DDX19B: variants seen among roughly 807,000 people sequenced by gnomAD.
DDX19B encodes the protein ATP-dependent RNA helicase DDX19B.
In DDX19B, 27 loss-of-function variants were observed where a neutral mutation model predicts 58.1. That is an observed-to-expected ratio of 0.46 (90% confidence interval 0.34 to 0.64). DDX19B has a LOEUF of 0.64. Among genes scored for constraint, DDX19B ranks in the 30% least tolerant of loss-of-function variants. DDX19B has a pLI of 0.01. For missense variants in DDX19B, 399 were observed against 596.5 expected, an observed-to-expected ratio of 0.67 and a Z score of 3.45; for synonymous variants, 187 against 214.4, an observed-to-expected ratio of 0.87 and a Z score of 1.12.
At position 70,312,631 on chromosome 16, in the gene DDX19B, A is replaced by G; in HGVS notation, c.80A>G (p.Glu27Gly). 3.7e-6 allele frequency: 6 copies of G among 1,613,256 alleles called. No homozygotes were observed. The highest frequency in any genetic ancestry group is 5.1e-6 in the Non-Finnish European group (6 of 1,179,494). Reference protein sequence around the residue: ...AESLSNLHLKEEKIKPDTNGA... With the variant: ...AESLSNLHLKGEKIKPDTNGA... The stretch of plus-strand genomic sequence containing the variant: ...TAGTTGAGCAACTTGCATCTTAAGG[A>G]AGAGAAAATCAAACCAGATACCAAT... Residue 27 changes from glutamate to glycine, a missense_variant, in exon 2 of 12, where the codon GAA becomes GGA. By Grantham distance (98) the Glu-to-Gly change is moderately conservative. Coordinates refer to ENST00000288071, the MANE Select transcript of DDX19B (RefSeq NM_007242.7).
intron 1 of DDX19B, among the ~76,000 whole-genome samples, chr16:70,299,579 T>G (rs1287982625): frequency 6.6e-6 from 1 of 152,150 alleles, no homozygotes; most frequent in Non-Finnish European, 1.5e-5. Context: ...CTGTCTGTCT[T>G]CCTGGAACCA....
At chr16:70,309,082 G>T (rs1014768701) in intron 1 of DDX19B, among the ~76,000 whole-genome samples, 1 of 150,370 alleles carries the variant, frequency 6.7e-6, no homozygotes, top group African/African-American at 2.5e-5. Context: ...TTCTCCAGTT[G>T]AATGGTTTCC....
At position 70,333,898 on chromosome 16, in the gene DDX19B, G is replaced by A. The variant is rs1963610144; in HGVS notation, c.*316G>A. 3 of 433,100 alleles carry A rather than the reference G, an allele frequency of 6.9e-6. No individual in the cohort carries two copies. The highest frequency in any genetic ancestry group is 3.7e-5 in the Admixed American group (1 of 26,880). 26.8% of individuals were successfully genotyped at this position (433,100 alleles called of 1,614,324 possible). A position where few individuals can be genotyped will look rare whatever the true frequency, so the allele number is the denominator to read the frequency against. On this transcript the variant is annotated 3_prime_UTR_variant, in exon 12 of 12. Transcript: ENST00000288071. ...GATGCTGTGGCTGATTACTTGCCCA[G>A]GATCTCCTGTGGCAGCCTCTGCTTG...
rs1962384557 is a variant in DDX19B, at chr16:70,316,069, T to A, written c.261T>A (p.Pro87=). ...VEVLQRDPNS[P]LYSVKSFEEL... is the part of the protein sequence containing the mutation. ...TCCTGCAGCGGGATCCAAACTCCCC[T>A]CTGTACTCGGTGAAGTCTTTTGAAG... Residue 87 remains proline (P), a synonymous_variant, in exon 4 of 12, where the codon CCT becomes CCA. Coordinates refer to ENST00000288071, the MANE Select transcript of DDX19B (RefSeq NM_007242.7). The A allele has an allele frequency of 6.2e-7, 1 of 1,614,144 alleles. No individual in the cohort carries two copies. Among genetic ancestry groups the A allele is most frequent in the South Asian group, 1.1e-5 (1 of 91,084 alleles).
chr16:70,317,607 C>T lies in DDX19B; in HGVS notation c.389+19C>T, dbSNP rs767872103. Reference sequence around the variant, plus strand: ...CTGAGCCGTATGTGTCCTATTACAACTCCATTTCATTTTAGATTTTCTATT... The same window carrying T: ...CTGAGCCGTATGTGTCCTATTACAATTCCATTTCATTTTAGATTTTCTATT... On this transcript the variant is annotated intron_variant, in intron 5 of 11. Coordinates refer to ENST00000288071, the MANE Select transcript of DDX19B (RefSeq NM_007242.7). The T allele has an allele frequency of 6.3e-6, 10 of 1,586,350 alleles. No individual in the cohort carries two copies. The South Asian group carries it at 9.1e-5, about 14-fold the overall frequency.
Position 70,329,592 on chromosome 16 carries a change from T to G in DDX19B, c.785+123T>G. Reference sequence around the variant, plus strand: ...GCTCTCGTACTCTCAGCAGCATTTGTTTGACGGGCCACTTCCGTGTCAGCG... The same window carrying G: ...GCTCTCGTACTCTCAGCAGCATTTGGTTGACGGGCCACTTCCGTGTCAGCG... On this transcript the variant is annotated intron_variant, in intron 8 of 11. Coordinates refer to ENST00000288071, the MANE Select transcript of DDX19B (RefSeq NM_007242.7). 3 of 1,444,312 alleles carry G rather than the reference T, an allele frequency of 2.1e-6. No individual in the cohort carries two copies. The Admixed American group carries it at 6.0e-5, about 29-fold the overall frequency. 89.5% of individuals were successfully genotyped at this position (1,444,312 alleles called of 1,614,324 possible).
chr16:70,299,294 G>C lies in DDX19B; in HGVS notation c.-4G>C, dbSNP rs376919952. On this transcript the variant is annotated 5_prime_UTR_variant, in exon 1 of 12. Transcript: ENST00000288071. ...GCACGAGCGTCCCACCCGCGCCTGG[G>C]ACCATGGCCACTGACTCATGGGCCC... 16 of 1,593,314 alleles carry C rather than the reference G, an allele frequency of 1.0e-5. No homozygotes were observed. The highest frequency in any genetic ancestry group is 1.3e-5 in the Non-Finnish European group (15 of 1,172,030).
intron 5 of DDX19B, among the ~76,000 whole-genome samples, chr16:70,320,979 T>G (rs1962762550): frequency 6.9e-6 from 1 of 145,024 alleles, no homozygotes; most frequent in Non-Finnish European, 1.5e-5. Flanking sequence ...TTTTTTTTTT[T>G]GAGACGGAGT....
intron 1 of DDX19B, among the ~76,000 whole-genome samples, chr16:70,307,114 CTT>C (rs1961795291): frequency 6.6e-6 from 1 of 152,166 alleles, no homozygotes; most frequent in Non-Finnish European, 1.5e-5. Flanking sequence ...TATTTATCCA[CTT>C]ATCAATTTCT....
intron 7 of DDX19B, among the ~76,000 whole-genome samples, chr16:70,326,966 C>T (rs1479841718): frequency 1.3e-5 from 2 of 151,890 alleles, no homozygotes; most frequent in Non-Finnish European, 2.9e-5. Context: ...TCCTGAGTAG[C>T]TGGGACTACA....
At chr16:70,324,818 G>A (rs1963055102) in intron 6 of DDX19B, 131 bp downstream of exon 6, 10 of 742,860 alleles carry the variant, frequency 1.3e-5, no homozygotes, top group Middle Eastern at 3.2e-4. Flanking sequence ...TTGGGAGGCC[G>A]AGGTGGGCGG....
intron 5 of DDX19B, among the ~76,000 whole-genome samples, chr16:70,318,567 G>A (rs1310413826): frequency 6.6e-6 from 1 of 151,884 alleles, no homozygotes; most frequent in Non-Finnish European, 1.5e-5. Context: ...CGAGGCAGGT[G>A]GATCACCTGA....
At chr16:70,303,465 A>G in intron 1 of DDX19B, among the ~76,000 whole-genome samples, 1 of 152,086 alleles carries the variant, frequency 6.6e-6, no homozygotes, top group South Asian at 2.1e-4. Context: ...TGTTTTGCAT[A>G]TATTCTCTCA....
intron 1 of DDX19B, among the ~76,000 whole-genome samples, chr16:70,300,682 A>G (rs1300691106): frequency 6.6e-6 from 1 of 152,062 alleles, no homozygotes; most frequent in Non-Finnish European, 1.5e-5. Context: ...AGCATGTGCC[A>G]ACATATGCAG....
At chr16:70,320,793 G>A (rs1244556472) in intron 5 of DDX19B, among the ~76,000 whole-genome samples, 3 of 151,136 alleles carry the variant, frequency 2.0e-5, no homozygotes, top group African/African-American at 7.3e-5. Flanking sequence ...TCCTGACCTC[G>A]TGATCCAGCC....
At chr16:70,294,836 C>T (rs1168533840), upstream of DDX19B, 5 of 1,502,164 alleles carry the variant, frequency 3.3e-6, no homozygotes, top group Admixed American at 1.1e-4. Flanking sequence ...AACTGCCATG[C>T]TCAGCCGCGA....
upstream of DDX19B, among the ~76,000 whole-genome samples, chr16:70,297,344 C>G (rs1040491387): frequency 6.6e-6 from 1 of 152,090 alleles, no homozygotes; most frequent in Non-Finnish European, 1.5e-5. Flanking sequence ...TTACAAGTAG[C>G]TGGGATTACA....
intron 5 of DDX19B, among the ~76,000 whole-genome samples, chr16:70,322,235 C>T (rs192469318): frequency 8.0e-4 from 122 of 152,148 alleles, no homozygotes; most frequent in African/African-American, 2.9e-3. Flanking sequence ...ATTCTAACTA[C>T]AAGGGGCAAC....
At chr16:70,328,575 C>T (rs926932114) in intron 7 of DDX19B, among the ~76,000 whole-genome samples, 11 of 151,878 alleles carry the variant, frequency 7.2e-5, no homozygotes, top group Middle Eastern at 3.4e-3. Context: ...GTTGGCCAGG[C>T]TGGTCTCGAA....
Sources: allele counts gnomAD v4.1 joint callset (sites outside exome capture counted in the v4.1 genomes callset), GRCh38; gene constraint gnomAD v4.1.1; transcripts MANE v1.5; gene names NCBI Gene and HGNC (gene_info 2026-07-23, HGNC 2026-07-21).